The following PTCHD4 variants were observed in gnomAD, a reference collection of about 807,000 sequenced individuals.
The protein encoded by PTCHD4 is patched domain-containing protein 4.
In PTCHD4, 33 loss-of-function variants were observed where a neutral mutation model predicts 58.1. The observed-to-expected ratio is 0.57, with a 90% confidence interval of 0.43 to 0.76. The LOEUF is 0.76. Among genes scored for constraint, PTCHD4 ranks in the 30% least tolerant of loss-of-function variants. PTCHD4 has a pLI of 0.00. For synonymous variants in PTCHD4, 478 were observed against 409.6 expected (o/e 1.17, Z -2.02); for missense variants, 1,058 against 1,027.1 (o/e 1.03, Z -0.41).
Position 47,864,668 on chromosome 6 carries a change from G to A in PTCHD4, c.*13635C>T, listed in dbSNP as rs187941326. Among the ~76,000 whole-genome samples, 29 of 111,210 alleles carry A rather than the reference G, an allele frequency of 2.6e-4. No individual in the cohort carries two copies. The highest frequency in any genetic ancestry group is 8.5e-3 in the Middle Eastern group (2 of 236). 73.0% of individuals were successfully genotyped at this position (111,210 alleles called of 152,430 possible). A position where few individuals can be genotyped will look rare whatever the true frequency, so the allele number is the denominator to read the frequency against. Reference sequence around the variant, plus strand: ...TTGTTATCTGCTTCCTCATCCTCACGTATTTTAGTTCTATGACTGTAGAAG... The same window carrying A: ...TTGTTATCTGCTTCCTCATCCTCACATATTTTAGTTCTATGACTGTAGAAG... On this transcript the variant is annotated 3_prime_UTR_variant, in exon 5 of 5. Transcript: ENST00000339488.
intron 4 of PTCHD4, among the ~76,000 whole-genome samples, chr6:47,888,297 C>T (rs1764257671): frequency 6.6e-6 from 1 of 152,146 alleles, no homozygotes; most frequent in Non-Finnish European, 1.5e-5. Context: ...GCGGAGCTTG[C>T]AGTGAGCCAA....
At chr6:47,968,416 A>G (rs1767378195) in intron 4 of PTCHD4, among the ~76,000 whole-genome samples, 1 of 152,236 alleles carries the variant, frequency 6.6e-6, no homozygotes, top group Admixed American at 6.5e-5. Flanking sequence ...GAATTAACAA[A>G]TTATAACACA....
At chr6:47,992,542 C>T (rs1768320484) in intron 4 of PTCHD4, among the ~76,000 whole-genome samples, 1 of 152,152 alleles carries the variant, frequency 6.6e-6, no homozygotes. Context: ...AAAAATAGTA[C>T]ACATGCAGGT....
chr6:48,063,184 C>G (rs1465685093), intron 3 of PTCHD4, among the ~76,000 whole-genome samples: 1 of 152,188 alleles, frequency 6.6e-6, no homozygotes, highest in Non-Finnish European at 1.5e-5. Context: ...TTTAGCTAAT[C>G]CTGGAGCCTT....
intron 4 of PTCHD4, among the ~76,000 whole-genome samples, chr6:47,893,595 C>T (rs1237476398): frequency 6.6e-6 from 1 of 152,106 alleles, no homozygotes; most frequent in East Asian, 1.9e-4. Context: ...CTCCATGGCT[C>T]GATTTGCTAA....
At chr6:47,965,074 C>T (rs1767234217) in intron 4 of PTCHD4, among the ~76,000 whole-genome samples, 2 of 152,132 alleles carry the variant, frequency 1.3e-5, no homozygotes, top group South Asian at 4.1e-4. Context: ...TCAGGTTTCT[C>T]ATGAGCCACA....
At chr6:48,040,261 T>C (rs1340624232) in intron 3 of PTCHD4, among the ~76,000 whole-genome samples, 3 of 152,090 alleles carry the variant, frequency 2.0e-5, no homozygotes, top group African/African-American at 7.2e-5. Context: ...ACATCTTTGT[T>C]GATATTTTTC....
At chr6:47,962,160 A>G (rs1767124003) in intron 4 of PTCHD4, among the ~76,000 whole-genome samples, 1 of 152,226 alleles carries the variant, frequency 6.6e-6, no homozygotes, top group African/African-American at 2.4e-5. Flanking sequence ...GACGTTTTGT[A>G]TAATATGAAA....
Position 47,883,169 on chromosome 6 carries a change from C to T in PTCHD4, c.899-3233G>A, listed in dbSNP as rs371407970. Among the ~76,000 whole-genome samples, 55 of 151,792 alleles carry T rather than the reference C, an allele frequency of 3.6e-4. 1 individual carries two copies. The highest frequency in any genetic ancestry group is 6.8e-3 in the Middle Eastern group (2 of 292). Reference sequence around the variant, plus strand: ...TTGTTATATAATAACTTTTGCTAGCCGATATATAAGATATAAGGGTAAACA... The same window carrying T: ...TTGTTATATAATAACTTTTGCTAGCTGATATATAAGATATAAGGGTAAACA... On this transcript the variant is annotated intron_variant, in intron 4 of 4. Transcript: ENST00000339488.
Position 48,008,689 on chromosome 6 carries a change from G to A in PTCHD4, c.843C>T (p.Phe281=), listed in dbSNP as rs1008068337. Residue 281 remains phenylalanine, a synonymous_variant, in exon 4 of 5, where the codon TTC becomes TTT. Transcript: ENST00000339488. ...TGGAGTTGTACTTTCCATCGGTGAT[G>A]AAGAAGATCCCTGCTGCTGTGATGA... ...ISIITAAGIF[F]ITDGKYNSTL... 6.2e-7 allele frequency: 1 copy of A among 1,613,606 alleles called. No homozygotes were observed. Among genetic ancestry groups the A allele is most frequent in the South Asian group, 1.1e-5 (1 of 91,014 alleles).
chr6:47,912,034 T>C (rs956209675), intron 4 of PTCHD4, among the ~76,000 whole-genome samples: 1 of 152,048 alleles, frequency 6.6e-6, no homozygotes, highest in African/African-American at 2.4e-5. Context: ...GTGTTTCAAG[T>C]GGAGGGCATG....
At chr6:48,049,341 G>C (rs116010575) in intron 3 of PTCHD4, among the ~76,000 whole-genome samples, 3 of 151,940 alleles carry the variant, frequency 2.0e-5, no homozygotes, top group East Asian at 3.9e-4. Flanking sequence ...CACATGTTTC[G>C]AGTTCTCTGA....
chr6:47,977,894 A>AT (rs1767753783), intron 4 of PTCHD4, among the ~76,000 whole-genome samples: 3 of 152,156 alleles, frequency 2.0e-5, no homozygotes. Flanking sequence ...TAGTGGATTA[A>AT]TTTTAGAATT....
chr6:47,931,017 T>G (rs1358123314), intron 4 of PTCHD4, among the ~76,000 whole-genome samples: 1 of 152,208 alleles, frequency 6.6e-6, no homozygotes, highest in East Asian at 1.9e-4. Context: ...ACTCCTGACC[T>G]CAGGTGATCC....
chr6:48,015,043 C>A (rs1762820347), intron 3 of PTCHD4, among the ~76,000 whole-genome samples: 1 of 150,584 alleles, frequency 6.6e-6, no homozygotes, highest in African/African-American at 2.5e-5. Flanking sequence ...GATTCAACTT[C>A]TTCTTTTCCC....
chr6:47,936,687 G>T (rs1766010201), intron 4 of PTCHD4, among the ~76,000 whole-genome samples: 2 of 152,118 alleles, frequency 1.3e-5, no homozygotes, highest in Non-Finnish European at 1.5e-5. Context: ...ATTGTGATGT[G>T]CTAGGCATTG....
Position 48,008,932 on chromosome 6 carries a change from C to T in PTCHD4, c.600G>A (p.Arg200=), listed in dbSNP as rs943928644. 6.2e-7 allele frequency: 1 copy of T among 1,613,836 alleles called. No individual in the cohort carries two copies. The highest frequency in any genetic ancestry group is 8.5e-7 in the Non-Finnish European group (1 of 1,179,880). Residue 200 remains arginine (R), a synonymous_variant, in exon 4 of 5, where the codon AGG becomes AGA. Transcript: ENST00000339488. ...KWENEFCKLI[R]KLQEEHQELQ... is the part of the protein sequence containing the mutation. The stretch of plus-strand genomic sequence containing the variant: ...GTTCTTGATGCTCCTCCTGGAGCTT[C>T]CTTATAAGCTTACAGAACTCATTCT...
intron 4 of PTCHD4, among the ~76,000 whole-genome samples, chr6:47,958,054 GA>G (rs2113962245): frequency 6.6e-6 from 1 of 152,302 alleles, no homozygotes; most frequent in South Asian, 2.1e-4. Context: ...GCTACTGATA[GA>G]AAATGTGATG....
Position 48,001,832 on chromosome 6 carries a change from A to G in PTCHD4, c.898+6802T>C, listed in dbSNP as rs145539058. On this transcript the variant is annotated intron_variant, in intron 4 of 4. Coordinates refer to ENST00000339488, the MANE Select transcript of PTCHD4 (RefSeq NM_001384253.1). ...TTAGCGTGAACAGGCAACCTACAGA[A>G]TGGAAGAAAATTTTTGCAATCTACT... Among the ~76,000 whole-genome samples the G allele has an allele frequency of 3.4e-3, 512 of 152,340 alleles. 6 individuals are homozygous for G. The highest frequency in any genetic ancestry group is 0.012 in the African/African-American group (480 of 41,584).
Sources: gnomAD v4.1 joint callset for allele counts (sites outside exome capture counted in the v4.1 genomes callset) on GRCh38, gnomAD v4.1.1 for gene constraint, MANE v1.5 for transcripts, NCBI Gene and HGNC (gene_info 2026-07-23, HGNC 2026-07-21) for gene names.